PDE8B: variants seen among roughly 807,000 people sequenced by gnomAD.
The protein encoded by PDE8B is high affinity cAMP-specific and IBMX-insensitive 3',5'-cyclic phosphodiesterase 8B.
In PDE8B, 26 loss-of-function variants were observed where a neutral mutation model predicts 101.3. That is an observed-to-expected ratio of 0.26 (90% CI 0.19 to 0.36). The LOEUF (loss-of-function observed/expected upper bound fraction) is 0.36. Among genes scored for constraint, PDE8B ranks in the 10% least tolerant of loss-of-function variants. The probability of loss-of-function intolerance (pLI) is 1.00; values close to 1 mark genes in which losing one functional copy is unlikely to be tolerated. For synonymous variants in PDE8B, 424 were observed against 429.3 expected, an observed-to-expected ratio of 0.99 and a Z score of 0.15; for missense variants, 810 against 1,163.1, an observed-to-expected ratio of 0.70 and a Z score of 4.42.
the PDE8B span, among the ~76,000 whole-genome samples, chr5:77,117,371 C>G: frequency 6.6e-6 from 1 of 152,142 alleles, no homozygotes; most frequent in Non-Finnish European, 1.5e-5. Flanking sequence ...ATGAGGAAGT[C>G]AGACAAACAG....
chr5:77,227,240 T>C (rs557373179), intron 1 of PDE8B, among the ~76,000 whole-genome samples: 1 of 152,364 alleles, frequency 6.6e-6, no homozygotes, highest in South Asian at 2.1e-4. Context: ...ATCACATATC[T>C]GATCCATAAT....
At chr5:77,397,953 A>G (rs1037765297) in intron 10 of PDE8B, among the ~76,000 whole-genome samples, 4 of 151,290 alleles carry the variant, frequency 2.6e-5, no homozygotes, top group Non-Finnish European at 4.4e-5. Flanking sequence ...ATAACACAAT[A>G]CAAAAGAGTG....
chr5:77,412,584 G>A (rs1243198581), intron 16 of PDE8B, among the ~76,000 whole-genome samples: 1 of 151,856 alleles, frequency 6.6e-6, no homozygotes, highest in Non-Finnish European at 1.5e-5. Context: ...CATCCTGTAG[G>A]CAGAGGAAAG....
chr5:77,136,491 A>G, the PDE8B span, among the ~76,000 whole-genome samples: 1 of 152,318 alleles, frequency 6.6e-6, no homozygotes, highest in East Asian at 1.9e-4. Context: ...GACATTTATG[A>G]AGAAAAGGAG....
At chr5:77,375,413 T>C (rs139007926) in intron 10 of PDE8B, among the ~76,000 whole-genome samples, 286 of 152,290 alleles carry the variant, frequency 1.9e-3, no homozygotes, top group Non-Finnish European at 3.0e-3. Flanking sequence ...GTATTTAAAT[T>C]CCTGCTTTCA....
intron 10 of PDE8B, chr5:77,358,485 G>A (rs1443976126): frequency 1.8e-5 from 18 of 978,030 alleles, no homozygotes; most frequent in Non-Finnish European, 2.2e-5. Flanking sequence ...GGGGACTGTG[G>A]GTTATGCCTC....
At chr5:77,099,901 C>T in the PDE8B span, among the ~76,000 whole-genome samples, 6 of 152,116 alleles carry the variant, frequency 3.9e-5, no homozygotes, top group South Asian at 4.1e-4. Context: ...TGAACCACAA[C>T]GCCCGGCCCG....
intron 10 of PDE8B, chr5:77,358,414 T>A: frequency 1.0e-6 from 1 of 984,768 alleles, no homozygotes; most frequent in South Asian, 4.7e-5. Context: ...ACACTTTTTG[T>A]CTGCACCACC....
At chr5:77,353,171 G>A (rs1340330384) in intron 9 of PDE8B, among the ~76,000 whole-genome samples, 175 bp from the exon 10 acceptor site, 2 of 152,176 alleles carry the variant, frequency 1.3e-5, no homozygotes, top group Non-Finnish European at 2.9e-5. Context: ...CCAAAGGCAT[G>A]TGTGGGCTCT....
At chr5:77,412,379 A>G in intron 16 of PDE8B, 144 bp downstream of exon 16, 1 of 788,582 alleles carries the variant, frequency 1.3e-6, no homozygotes, top group Non-Finnish European at 2.2e-6. Context: ...GTAGTGTTGA[A>G]TGAGCAGAGA....
intron 12 of PDE8B, among the ~76,000 whole-genome samples, chr5:77,406,466 A>G (rs1327897884): frequency 6.6e-6 from 1 of 152,226 alleles, no homozygotes; most frequent in Non-Finnish European, 1.5e-5. Context: ...TGAGAGGATA[A>G]GGGATGAGGG....
chr5:77,185,599 TTG>T, the PDE8B span, among the ~76,000 whole-genome samples: 2 of 152,146 alleles, frequency 1.3e-5, no homozygotes, highest in African/African-American at 4.8e-5. Context: ...CCATAACACA[TTG>T]TCTCTGTCAG....
At chr5:77,319,855 C>A (rs563901924) in intron 2 of PDE8B, among the ~76,000 whole-genome samples, 2 of 152,330 alleles carry the variant, frequency 1.3e-5, no homozygotes, top group South Asian at 2.1e-4. Context: ...GAAAGATGCT[C>A]ACTTCGTATC....
At position 77,210,949 on chromosome 5, in the gene PDE8B, T is replaced by C. The variant is rs774186785; in HGVS notation, c.24T>C (p.His8=). Residue 8 remains histidine, a synonymous_variant, in exon 1 of 22, where the codon CAT becomes CAC. Transcript: ENST00000264917. This position sits in a 1 kb window ranked among gnomAD's most constrained non-coding sequence, Gnocchi z 4.9. ...GGATGGGCTGCGCCCCCAGCATCCA[T>C]GTCTCGCAGAGCGGCGTGATCTACT... is the stretch of plus-strand genomic sequence containing the variant. MGCAPSI[H]VSQSGVIYCR... is the part of the protein sequence containing the mutation. The C allele has an allele frequency of 1.3e-6, 2 of 1,514,964 alleles. No homozygotes were observed. The highest frequency in any genetic ancestry group is 1.8e-6 in the Non-Finnish European group (2 of 1,140,370). The allele number at this position is 1,514,964 out of a possible 1,614,324, so 93.8% of individuals were successfully genotyped here.
chr5:77,424,341 C>G (rs1581641849), intron 20 of PDE8B, among the ~76,000 whole-genome samples: 1 of 152,134 alleles, frequency 6.6e-6, no homozygotes, highest in Admixed American at 6.5e-5. Flanking sequence ...TCCCAAAAAG[C>G]AATGTACTAA....
In PDE8B at chr5:77,240,381, C is replaced by T. The variant is rs955499399; in HGVS notation, c.339+29117C>T. Among the ~76,000 whole-genome samples, 4 of 152,136 alleles carry T rather than the reference C, an allele frequency of 2.6e-5. No homozygotes were observed. In the East Asian group the frequency reaches 7.8e-4, roughly 29 times the overall value. ...TGTTAGCCAGGATGGTCTTGATCTC[C>T]TGACCTCGTGATCCGCCCGCCTCGG... On this transcript the variant is annotated intron_variant, in intron 1 of 21. Coordinates refer to ENST00000264917, the MANE Select transcript of PDE8B (RefSeq NM_003719.5).
the PDE8B span, chr5:77,146,695 A>C: frequency 3.4e-6 from 1 of 297,138 alleles, no homozygotes; most frequent in East Asian, 9.0e-5. Flanking sequence ...TTTTCTAGGA[A>C]GTGCTCAGAG....
chr5:77,357,802 G>T (rs954929635), intron 10 of PDE8B, among the ~76,000 whole-genome samples: 2 of 152,134 alleles, frequency 1.3e-5, no homozygotes, highest in Admixed American at 1.3e-4. Context: ...TCCCTCTTTT[G>T]CCTTCTCTCT....
the PDE8B span, among the ~76,000 whole-genome samples, chr5:77,106,510 A>G: frequency 6.6e-6 from 1 of 152,208 alleles, no homozygotes; most frequent in African/African-American, 2.4e-5. Context: ...TCGCATATCT[A>G]TGTTTTTGCC....
Sources: allele counts gnomAD v4.1 joint callset (sites outside exome capture counted in the v4.1 genomes callset), GRCh38; gene constraint gnomAD v4.1.1; non-coding constraint Gnocchi (gnomAD v3.1); transcripts MANE v1.5; gene names NCBI Gene and HGNC (gene_info 2026-07-23, HGNC 2026-07-21).